Variants in PCNX3 observed in about 807,000 individuals in gnomAD.
The protein encoded by PCNX3 is pecanex-like protein 3.
In PCNX3, 58 loss-of-function variants were observed where a neutral mutation model predicts 207.2. The ratio of observed to expected loss-of-function variants is 0.28; its 90% CI spans 0.23 to 0.35. The LOEUF (loss-of-function observed/expected upper bound fraction) is 0.35. PCNX3 is among the 10% of genes least tolerant of loss of function. The pLI is 1.00. For synonymous variants in PCNX3, 1,337 were observed against 1,183.5 expected, an observed-to-expected ratio of 1.13 and a Z score of -2.66; for missense variants, 2,410 against 2,774.4, an observed-to-expected ratio of 0.87 and a Z score of 2.95.
chr11:65,629,005 A>G, intron 24 of PCNX3, 57 bp downstream of exon 24: 1 of 1,592,000 alleles, frequency 6.3e-7, no homozygotes. Flanking sequence ...AGAGGTTTGG[A>G]GCCCAGGCTG....
chr11:65,618,774 C>A lies in PCNX3; in HGVS notation c.1412C>A (p.Pro471His). 1 of 1,611,594 alleles carries A rather than the reference C, an allele frequency of 6.2e-7. No individual in the cohort carries two copies. The highest frequency in any genetic ancestry group is 1.7e-5 in the Admixed American group (1 of 59,880). The change falls in exon 6 of 35, where the codon CCC becomes CAC. Residue 471 changes from proline to histidine, a missense_variant. Physicochemically the swap from Pro to His is moderately conservative, Grantham distance 77. Transcript: ENST00000355703. ...AAGGPRKRRA[P>H]HGAEEGTAVP... ...GGGGGACCCCGGAAGCGGAGGGCCC[C>A]CCATGGGGCTGAGGAGGGAACTGCT...
rs763612581 is a variant in PCNX3 at position 65,625,445 on chromosome 11, C to T, written c.3070C>T (p.Arg1024Cys). ...RSKLFPELEE[R>C]SLETARAEPP... ...CAAGCTGTTCCCTGAGCTGGAGGAG[C>T]GCAGCTTGGAGACAGCCCGGGCCGA... Residue 1024 changes from arginine to cysteine, a missense_variant, in exon 18 of 35, where the codon CGC (arginine) becomes TGC (cysteine). Coordinates refer to ENST00000355703, the MANE Select transcript of PCNX3 (RefSeq NM_032223.4). This position sits in a 1 kb window ranked among gnomAD's most constrained non-coding sequence, Gnocchi z 5.6. 18 of 1,604,914 alleles carry T rather than the reference C, an allele frequency of 1.1e-5. No homozygotes were observed. Among genetic ancestry groups the T allele is most frequent in the South Asian group, 5.5e-5 (5 of 91,034 alleles).
chr11:65,626,001 G>T lies in PCNX3; in HGVS notation c.3326G>T (p.Cys1109Phe), dbSNP rs1480993938. 6.2e-7 allele frequency: 1 copy of T among 1,613,238 alleles called. No individual in the cohort carries two copies. The highest frequency in any genetic ancestry group is 1.3e-5 in the African/African-American group (1 of 74,938). ...CTCCGCAAACAGCTGCCCTGGTTCT[G>T]CCTGTCACAGCCCGTGCTGAAGCCG... is the stretch of plus-strand genomic sequence containing the variant. ...PQLRKQLPWF[C>F]LSQPVLKPLE... is the part of the protein sequence containing the mutation. Residue 1109 changes from cysteine (C) to phenylalanine (F), a missense_variant, in exon 20 of 35, where the codon TGC (cysteine) becomes TTC (phenylalanine). Cys to Phe is a radical substitution (Grantham distance 205, BLOSUM62 -2). This residue lies in a region of PCNX3 where 333 missense variants were observed against 386.8 expected (regional missense o/e 0.86). Coordinates refer to ENST00000355703, the MANE Select transcript of PCNX3 (RefSeq NM_032223.4).
At chr11:65,620,802 G>T in intron 9 of PCNX3, 29 bp from the exon 10 acceptor site, 1 of 1,588,946 alleles carries the variant, frequency 6.3e-7, no homozygotes, top group South Asian at 1.1e-5. Flanking sequence ...TCGCCCGTGG[G>T]GGGATCCTGA....
At position 65,622,313 on chromosome 11, in the gene PCNX3, C is replaced by T. The variant is rs1339342304; in HGVS notation, c.2304C>T (p.Gly768=). ...QHSYKYWLLP[G]RWTSVRYERL... is the part of the protein sequence containing the mutation. The stretch of plus-strand genomic sequence containing the variant: ...GTTACAAGTACTGGCTTCTCCCTGG[C>T]CGCTGGACCTCTGTGCGCTATGAGC... The change falls in exon 11 of 35, where the codon GGC becomes GGT. Residue 768 remains glycine, a synonymous_variant. Coordinates refer to ENST00000355703, the MANE Select transcript of PCNX3 (RefSeq NM_032223.4). The T allele has an allele frequency of 1.3e-6, 2 of 1,597,094 alleles. No individual in the cohort carries two copies. The highest frequency in any genetic ancestry group is 1.7e-6 in the Non-Finnish European group (2 of 1,172,710).
chr11:65,627,174 G>C, intron 21 of PCNX3, 126 bp downstream of exon 21: 1 of 1,329,380 alleles, frequency 7.5e-7, no homozygotes, highest in Non-Finnish European at 1.0e-6. Flanking sequence ...CAGGACCCCA[G>C]CTCCTGACAC....
At position 65,637,181 on chromosome 11, in the gene PCNX3, G is replaced by A. The variant is rs1422287262; in HGVS notation, c.*203G>A. The A allele has an allele frequency of 3.3e-6, 2 of 614,982 alleles. No individual in the cohort carries two copies. Among genetic ancestry groups the A allele is most frequent in the Admixed American group, 3.0e-5 (1 of 33,166 alleles). The allele number at this position is 614,982 out of a possible 1,614,324, so 38.1% of individuals were successfully genotyped here. On this transcript the variant is annotated 3_prime_UTR_variant, in exon 35 of 35. Coordinates refer to ENST00000355703, the MANE Select transcript of PCNX3 (RefSeq NM_032223.4). Reference sequence around the variant, plus strand: ...CTCTCTCATCCCCAGTCCAGGGCCTGGGCTCCCCAGATGGAGGCAGTCAGC... The same window carrying A: ...CTCTCTCATCCCCAGTCCAGGGCCTAGGCTCCCCAGATGGAGGCAGTCAGC...
At chr11:65,628,565 C>T (rs1352175667) in intron 22 of PCNX3, 30 bp from the exon 23 acceptor site, 1 of 1,604,448 alleles carries the variant, frequency 6.2e-7, no homozygotes, top group Admixed American at 1.7e-5. Context: ...CCCTGCATGT[C>T]TTTTTTCTTC....
intron 25 of PCNX3, 25 bp from the exon 26 acceptor site, chr11:65,629,495 T>C: frequency 6.2e-7 from 1 of 1,612,926 alleles, no homozygotes. Context: ...ACTTTGTCCA[T>C]TTGCCCGTCT....
rs538275445 is a variant in PCNX3, at chr11:65,622,426, A to G, written c.2357+60A>G. The G allele has an allele frequency of 1.1e-3, 1,720 of 1,527,682 alleles. 30 individuals carry two copies. In the South Asian group the frequency reaches 0.019, roughly 17 times the overall value. The allele number at this position is 1,527,682 out of a possible 1,614,324, so 94.6% of individuals were successfully genotyped here. ...GAAAGCCCCTGGACCTTGGCTCCCC[A>G]GACTCTGTACCTGTGGAGGCAGTCA... On this transcript the variant is annotated intron_variant, in intron 11 of 34. Transcript: ENST00000355703.
chr11:65,637,377 CTT>C lies in PCNX3; in HGVS notation c.*416_*417del, dbSNP rs377458419. 4.1e-3 allele frequency: 542 copies of C among 132,800 alleles called. No individual in the cohort carries two copies. Among genetic ancestry groups the C allele is most frequent in the South Asian group, 0.015 (75 of 4,966 alleles). The allele number at this position is 132,800 out of a possible 1,614,324, so 8.2% of individuals were successfully genotyped here. A position where few individuals can be genotyped will look rare whatever the true frequency, so the allele number is the denominator to read the frequency against. On this transcript the variant is annotated 3_prime_UTR_variant, in exon 35 of 35. Coordinates refer to ENST00000355703, the MANE Select transcript of PCNX3 (RefSeq NM_032223.4). ...TTCTTTCTTTCCTTTTTTTTCTTTTCTTTTTTTTTTTTTTTTTTGTGCTTCGG... is the reference window on the plus strand; with the variant it reads ...TTCTTTCTTTCCTTTTTTTTCTTTTCTTTTTTTTTTTTTTTTGTGCTTCGG...
chr11:65,624,406 GT>G, intron 14 of PCNX3, 40 bp downstream of exon 14: 1 of 1,551,006 alleles, frequency 6.4e-7, no homozygotes, highest in Non-Finnish European at 8.7e-7. Flanking sequence ...AGGAGAGTGA[GT>G]CCCCGAGGGT....
At chr11:65,628,768 G>GGGGC (rs2135460548) in intron 23 of PCNX3, 51 bp from the exon 24 acceptor site, 4 of 1,592,470 alleles carry the variant, frequency 2.5e-6, no homozygotes, top group East Asian at 2.3e-5. Flanking sequence ...GTGGGGGGTG[G>GGGGC]TGGGGGGCTG....
Position 65,636,202 on chromosome 11 carries a change from A to G in PCNX3, c.5488A>G (p.Asn1830Asp). 1 of 1,602,726 alleles carries G rather than the reference A, an allele frequency of 6.2e-7. No homozygotes were observed. Among genetic ancestry groups the G allele is most frequent in the Non-Finnish European group, 8.5e-7 (1 of 1,174,530 alleles). The change falls in exon 33 of 35, where the codon AAT becomes GAT. Residue 1830 changes from asparagine (N) to aspartate (D), a missense_variant. Around this residue, in one of 8 missense-constraint regions of PCNX3, gnomAD observed 59 missense variants for 83.9 expected, o/e 0.70. Coordinates refer to ENST00000355703, the MANE Select transcript of PCNX3 (RefSeq NM_032223.4). The stretch of plus-strand genomic sequence containing the variant: ...TCACAAGGGCTGTGGCGCCGGCTGC[A>G]ATAGTGGCGGGAACGTGGATGATTC... ...RLHKGCGAGC[N>D]SGGNVDDSDC... is the part of the protein sequence containing the mutation.
At position 65,625,182 on chromosome 11, in the gene PCNX3, A is replaced by G. The variant is rs1344914109; in HGVS notation, c.2931A>G (p.Pro977=). 2 of 1,608,248 alleles carry G rather than the reference A, an allele frequency of 1.2e-6. No individual in the cohort carries two copies. The highest frequency in any genetic ancestry group is 1.7e-5 in the Admixed American group (1 of 59,980). ...FCLGAIKTPW[P]EQHVPVLFSV... ...GATTCTCTCCGCAGACTCCGTGGCC[A>G]GAGCAGCACGTCCCTGTCCTCTTCT... The change falls in exon 17 of 35, where the codon CCA becomes CCG. Residue 977 remains proline, a synonymous_variant. Coordinates refer to ENST00000355703, the MANE Select transcript of PCNX3 (RefSeq NM_032223.4). The surrounding 1 kb of genome is among the most constrained non-coding windows in gnomAD (Gnocchi z 5.6).
At position 65,624,252 on chromosome 11, in the gene PCNX3, C is replaced by T; in HGVS notation, c.2602C>T (p.Leu868Phe). ...RPVYFCICCL[L>F]IWLLDALGSA... Reference sequence around the variant, plus strand: ...TGTCTACTTCTGCATCTGCTGTCTGCTCATCTGGCTGCTGGACGCCCTGGG... The same window carrying T: ...TGTCTACTTCTGCATCTGCTGTCTGTTCATCTGGCTGCTGGACGCCCTGGG... The change falls in exon 14 of 35, where the codon CTC becomes TTC. Residue 868 changes from leucine (L) to phenylalanine (F), a missense_variant. By Grantham distance (22) the Leu-to-Phe change is conservative. This residue lies in a region of PCNX3 where 177 missense variants were observed against 257.5 expected (regional missense o/e 0.69). Coordinates refer to ENST00000355703, the MANE Select transcript of PCNX3 (RefSeq NM_032223.4). 6.2e-7 allele frequency: 1 copy of T among 1,606,516 alleles called. No individual in the cohort carries two copies. The highest frequency in any genetic ancestry group is 8.5e-7 in the Non-Finnish European group (1 of 1,176,594).
intron 20 of PCNX3, chr11:65,626,628 G>A: frequency 2.0e-6 from 1 of 507,010 alleles, no homozygotes; most frequent in Non-Finnish European, 3.6e-6. Context: ...TAGCCAGCCT[G>A]CTGTACGTAG....
At position 65,616,940 on chromosome 11, in the gene PCNX3, C is replaced by G. The variant is rs377251273; in HGVS notation, c.270C>G (p.Ile90Met). 5 of 1,613,384 alleles carry G rather than the reference C, an allele frequency of 3.1e-6. No homozygotes were observed. Among genetic ancestry groups the G allele is most frequent in the Non-Finnish European group, 4.2e-6 (5 of 1,179,838 alleles). ...ATGCCATGTTTGACCAGGGCGAGATCGTGGAGAAGCGCAGCTCTACCATGG... is the reference window on the plus strand; with the variant it reads ...ATGCCATGTTTGACCAGGGCGAGATGGTGGAGAAGCGCAGCTCTACCATGG... ...RLHAMFDQGE[I>M]VEKRSSTMGE... Residue 90 changes from isoleucine to methionine, a missense_variant, in exon 2 of 35, where the codon ATC becomes ATG. Around this residue, in one of 8 missense-constraint regions of PCNX3, gnomAD observed 1,104 missense variants for 970.3 expected, o/e 1.14. Coordinates refer to ENST00000355703, the MANE Select transcript of PCNX3 (RefSeq NM_032223.4).
At chr11:65,624,878 G>A (rs758358861) in intron 15 of PCNX3, 47 bp from the exon 16 acceptor site, 3 of 1,547,042 alleles carry the variant, frequency 1.9e-6, no homozygotes, top group South Asian at 2.3e-5. Flanking sequence ...GGTTGAGGTG[G>A]GGTACCTGCA....
Sources: allele counts gnomAD v4.1 joint callset, GRCh38; gene constraint gnomAD v4.1.1; regional missense constraint gnomAD v4.1.1; non-coding constraint Gnocchi (gnomAD v3.1); transcripts MANE v1.5; gene names NCBI Gene and HGNC (gene_info 2026-07-23, HGNC 2026-07-21).